The following RNF157 variants were observed in gnomAD, a reference collection of about 807,000 sequenced individuals.
The protein encoded by RNF157 is ring finger protein 157, also known as E3 ubiquitin ligase RNF157.
A neutral mutation model predicts 88.3 loss-of-function variants in RNF157; 55 were observed. The observed-to-expected ratio is 0.62, with a 90% CI of 0.50 to 0.78. The LOEUF (loss-of-function observed/expected upper bound fraction) is 0.78, where lower values mean the gene tolerates loss of function less well. Among genes scored for constraint, RNF157 ranks in the 30% least tolerant of loss-of-function variants. RNF157 has a pLI of 0.00. For missense variants in RNF157, 788 were observed against 860.8 expected (o/e 0.92, Z 1.06); for synonymous variants, 334 against 341.2 (o/e 0.98, Z 0.23).
chr17:76,184,603 C>G (rs543303073), intron 2 of RNF157, among the ~76,000 whole-genome samples: 20 of 152,280 alleles, frequency 1.3e-4, no homozygotes, highest in African/African-American at 4.8e-4. Context: ...CAACAATGAT[C>G]TATATTAACT....
intron 3 of RNF157, 69 bp downstream of exon 3, chr17:76,173,632 TC>T: frequency 8.3e-7 from 1 of 1,211,916 alleles, no homozygotes; most frequent in Non-Finnish European, 1.2e-6. Flanking sequence ...CCTTGGGAAG[TC>T]TGTCCCCCAG....
chr17:76,196,533 C>T (rs554480493), intron 2 of RNF157, among the ~76,000 whole-genome samples: 5 of 152,116 alleles, frequency 3.3e-5, no homozygotes, highest in Non-Finnish European at 7.3e-5. Flanking sequence ...TTAAAGAGGA[C>T]AAGTCAGCCC....
intron 7 of RNF157, 38 bp from the exon 8 acceptor site, chr17:76,164,833 G>T (rs16968638): frequency 3.5e-5 from 53 of 1,500,698 alleles, no homozygotes; most frequent in African/African-American, 5.5e-5. Context: ...AAGGAAGGGA[G>T]GGTAATAAAG....
chr17:76,191,485 C>A (rs2069384198), intron 2 of RNF157, among the ~76,000 whole-genome samples: 1 of 151,700 alleles, frequency 6.6e-6, no homozygotes, highest in Non-Finnish European at 1.5e-5. Flanking sequence ...CACCTGTAAT[C>A]CCAGTTACTC....
At chr17:76,205,818 T>G (rs2069672581) in intron 2 of RNF157, among the ~76,000 whole-genome samples, 1 of 152,102 alleles carries the variant, frequency 6.6e-6, no homozygotes, top group Admixed American at 6.6e-5. Context: ...AAGAAGAAAC[T>G]GTGTCAATGC....
intron 2 of RNF157, among the ~76,000 whole-genome samples, chr17:76,181,373 A>G (rs1230717702): frequency 6.6e-6 from 1 of 152,196 alleles, no homozygotes; most frequent in Non-Finnish European, 1.5e-5. Flanking sequence ...TAACAGGAGT[A>G]TCTAAGGTCT....
chr17:76,221,549 T>G (rs547878086), intron 1 of RNF157, among the ~76,000 whole-genome samples: 1 of 152,220 alleles, frequency 6.6e-6, no homozygotes, highest in Non-Finnish European at 1.5e-5. Context: ...GTACAGACTT[T>G]ATTTTATTAA....
At chr17:76,226,658 G>A in intron 1 of RNF157, 1 of 1,612,430 alleles carries the variant, frequency 6.2e-7, no homozygotes, top group East Asian at 2.2e-5. Context: ...CTTGTCGCTG[G>A]AGAACCCATG....
Position 76,157,166 on chromosome 17 carries a change from C to T in RNF157, c.1414-845G>A, listed in dbSNP as rs1052816543. On this transcript the variant is annotated intron_variant, in intron 13 of 18. Coordinates refer to ENST00000269391, the MANE Select transcript of RNF157 (RefSeq NM_052916.3). The surrounding 1 kb of genome is among the most constrained non-coding windows in gnomAD (Gnocchi z 5.6). The stretch of plus-strand genomic sequence containing the variant: ...TATTTTTAGTAGAGACGGGGTTTCA[C>T]CATGTTAGCCAGGATGGTCTCGATC... Among the ~76,000 whole-genome samples, 3 of 152,174 alleles carry T rather than the reference C, an allele frequency of 2.0e-5. No individual in the cohort carries two copies. The highest frequency in any genetic ancestry group is 1.3e-4 in the Admixed American group (2 of 15,282).
At position 76,154,362 on chromosome 17, in the gene RNF157, A is replaced by G. The variant is rs148755893; in HGVS notation, c.1765-34T>C. 7.1e-5 allele frequency: 107 copies of G among 1,516,060 alleles called. No homozygotes were observed. The African/African-American group carries it at 1.3e-3, about 19-fold the overall frequency. 93.9% of individuals were successfully genotyped at this position (1,516,060 alleles called of 1,614,324 possible). A position where few individuals can be genotyped will look rare whatever the true frequency, so the allele number is the denominator to read the frequency against. On this transcript the variant is annotated intron_variant, in intron 16 of 18. Coordinates refer to ENST00000269391, the MANE Select transcript of RNF157 (RefSeq NM_052916.3). ...GAAGGAAGGCCCTGTGAGTCTATGA[A>G]GCGGCAAAATGAGTAAACTGATTGG...
At position 76,144,940 on chromosome 17, in the gene RNF157, GA is replaced by G; in HGVS notation, c.*294del. 1 of 310,580 alleles carries G rather than the reference GA, an allele frequency of 3.2e-6. No homozygotes were observed. Among genetic ancestry groups the G allele is most frequent in the Non-Finnish European group, 5.9e-6 (1 of 169,224 alleles). 19.2% of individuals were successfully genotyped at this position (310,580 alleles called of 1,614,324 possible). A position where few individuals can be genotyped will look rare whatever the true frequency, so the allele number is the denominator to read the frequency against. Reference sequence around the variant, plus strand: ...CCCTAAGGAGAAAAAAGATGTGTAAGAAATTAGCCCATGGACCCCAGCTCCA... The same window carrying G: ...CCCTAAGGAGAAAAAAGATGTGTAAGAATTAGCCCATGGACCCCAGCTCCA... On this transcript the variant is annotated 3_prime_UTR_variant, in exon 19 of 19. Coordinates refer to ENST00000269391, the MANE Select transcript of RNF157 (RefSeq NM_052916.3).
chr17:76,183,699 TG>T (rs1476572174), intron 2 of RNF157, among the ~76,000 whole-genome samples: 1 of 152,136 alleles, frequency 6.6e-6, no homozygotes, highest in Non-Finnish European at 1.5e-5. Flanking sequence ...ATTTATTAGC[TG>T]GGATTCTACT....
At chr17:76,148,839 G>A (rs952653267) in intron 18 of RNF157, among the ~76,000 whole-genome samples, 1 of 152,138 alleles carries the variant, frequency 6.6e-6, no homozygotes, top group African/African-American at 2.4e-5. Flanking sequence ...CAAAATGCTG[G>A]GATTACAGGC....
chr17:76,145,638 T>C, intron 18 of RNF157: 2 of 374,272 alleles, frequency 5.3e-6, no homozygotes, highest in Non-Finnish European at 4.8e-6. Flanking sequence ...GAACTTACCC[T>C]GGGATCCACT....
chr17:76,237,808 T>G (rs1356748691), intron 1 of RNF157, among the ~76,000 whole-genome samples: 1 of 151,898 alleles, frequency 6.6e-6, no homozygotes, highest in Non-Finnish European at 1.5e-5. Context: ...TGCCTGGGCG[T>G]GGTAGCTCAC....
rs2068786546 is a variant in RNF157, at chr17:76,157,600, A to G, written c.1413+793T>C. ...GCAATTTATCGTCTCTGTTTTGGGC[A>G]TACTTCTTTTTTATAAAATTTACTT... On this transcript the variant is annotated intron_variant, in intron 13 of 18. Coordinates refer to ENST00000269391, the MANE Select transcript of RNF157 (RefSeq NM_052916.3). This position sits in a 1 kb window ranked among gnomAD's most constrained non-coding sequence, Gnocchi z 5.6. Among the ~76,000 whole-genome samples the G allele has an allele frequency of 6.6e-6, 1 of 152,136 alleles. No homozygotes were observed. The highest frequency in any genetic ancestry group is 2.4e-5 in the African/African-American group (1 of 41,424).
At chr17:76,183,228 C>T (rs534992585) in intron 2 of RNF157, among the ~76,000 whole-genome samples, 14 of 152,212 alleles carry the variant, frequency 9.2e-5, no homozygotes, top group South Asian at 2.1e-4. Context: ...TGAGCCACCA[C>T]GCCCGGCCTC....
rs1050481010 is a variant in RNF157, at chr17:76,143,641, T to G, written c.*1594A>C. 1 of 152,160 alleles carries G rather than the reference T, an allele frequency of 6.6e-6. No individual in the cohort carries two copies. The highest frequency in any genetic ancestry group is 2.4e-5 in the African/African-American group (1 of 41,418). 9.4% of individuals were successfully genotyped at this position (152,160 alleles called of 1,614,324 possible). A position where few individuals can be genotyped will look rare whatever the true frequency, so the allele number is the denominator to read the frequency against. On this transcript the variant is annotated 3_prime_UTR_variant, in exon 19 of 19. Transcript: ENST00000269391. ...CCCCCCTCTCCATCAGGGCAGGATGTGAGCCACAACCACTAGGCAGTGAGA... is the reference window on the plus strand; with the variant it reads ...CCCCCCTCTCCATCAGGGCAGGATGGGAGCCACAACCACTAGGCAGTGAGA...
chr17:76,176,228 G>T lies in RNF157; in HGVS notation c.208-2438C>A, dbSNP rs1406943148. On this transcript the variant is annotated intron_variant, in intron 2 of 18. Transcript: ENST00000269391. The surrounding 1 kb of genome is among the most constrained non-coding windows in gnomAD (Gnocchi z 4.2). ...CTGACATAGTAATTGTAATATCAAA[G>T]AGATTAAATATATGGATATTTTTTT... Among the ~76,000 whole-genome samples the T allele has an allele frequency of 6.6e-6, 1 of 152,180 alleles. No individual in the cohort carries two copies. The highest frequency in any genetic ancestry group is 1.5e-5 in the Non-Finnish European group (1 of 68,020).
Sources: gnomAD v4.1 joint callset for allele counts (sites outside exome capture counted in the v4.1 genomes callset) on GRCh38, gnomAD v4.1.1 for gene constraint, Gnocchi (gnomAD v3.1) non-coding constraint, MANE v1.5 for transcripts, NCBI Gene and HGNC (gene_info 2026-07-23, HGNC 2026-07-21) for gene names.